The following CRPPA variants were observed in gnomAD, a reference collection of about 807,000 sequenced individuals.
CRPPA encodes D-ribitol-5-phosphate cytidylyltransferase.
Under a neutral mutation model 52.0 loss-of-function variants are expected in CRPPA, and 43 were observed. The observed-to-expected ratio is 0.83, with a 90% CI of 0.65 to 1.07. The LOEUF is 1.07. Among genes scored for constraint, CRPPA ranks in the 50% least tolerant of loss-of-function variants. The pLI is 0.00. For missense variants in CRPPA, 629 were observed against 551.7 expected (o/e 1.14, Z -1.40); for synonymous variants, 250 against 203.5 (o/e 1.23, Z -1.94).
rs201599524 is a variant in CRPPA, at chr7:16,216,048, G to A, written c.1251+18C>T. On this transcript the variant is annotated intron_variant, in intron 9 of 9. Coordinates refer to ENST00000407010, the MANE Select transcript of CRPPA (RefSeq NM_001101426.4). ...TAGTCTACAGAACATACATTCGGAA[G>A]ATAAACATTTTACCTACCTGTGGGT... The A allele has an allele frequency of 6.0e-4, 938 of 1,560,522 alleles. 8 individuals carry two copies. In the African/African-American group the frequency reaches 0.012, roughly 19 times the overall value.
chr7:16,390,378 TC>T (rs1342042081), intron 2 of CRPPA, among the ~76,000 whole-genome samples: 3 of 152,144 alleles, frequency 2.0e-5, no homozygotes, highest in African/African-American at 7.2e-5. Context: ...ATTTCTGTCT[TC>T]CTATGCTTTC....
intron 9 of CRPPA, among the ~76,000 whole-genome samples, chr7:16,174,801 A>G (rs577811374): frequency 3.0e-4 from 45 of 152,336 alleles, no homozygotes; most frequent in African/African-American, 1.1e-3. Context: ...TTCAGTTAAT[A>G]TATTCCAAGC....
chr7:16,406,025 T>G, intron 2 of CRPPA, 36 bp downstream of exon 2: 3 of 1,592,240 alleles, frequency 1.9e-6, no homozygotes, highest in Non-Finnish European at 2.6e-6. Flanking sequence ...CTACAGTGCT[T>G]GTCCCTTCTA....
chr7:16,414,802 C>T (rs146173373), intron 1 of CRPPA, among the ~76,000 whole-genome samples: 56 of 152,294 alleles, frequency 3.7e-4, no homozygotes, highest in Middle Eastern at 3.4e-3. Flanking sequence ...TTTTAATCAA[C>T]TTCTGAAAGG....
chr7:16,193,047 A>G (rs915603579), intron 9 of CRPPA, among the ~76,000 whole-genome samples: 1 of 152,126 alleles, frequency 6.6e-6, no homozygotes, highest in African/African-American at 2.4e-5. Flanking sequence ...TTGCATTTCC[A>G]TGCAAATTTG....
At position 16,335,095 on chromosome 7, in the gene CRPPA, G is replaced by T. The variant is rs148514770; in HGVS notation, c.685-26468C>A. On this transcript the variant is annotated intron_variant, in intron 3 of 9. Coordinates refer to ENST00000407010, the MANE Select transcript of CRPPA (RefSeq NM_001101426.4). ...AGCAATCTGGGAGGCTGAGGCAGGA[G>T]AACTGCTTGAGTGCAGGAGTTCAAG... Among the ~76,000 whole-genome samples the T allele has an allele frequency of 9.2e-3, 1,216 of 131,496 alleles. 11 individuals carry two copies. Among genetic ancestry groups the T allele is most frequent in the Non-Finnish European group, 0.013 (864 of 65,428 alleles). 86.3% of individuals were successfully genotyped at this position (131,496 alleles called of 152,430 possible).
intron 6 of CRPPA, among the ~76,000 whole-genome samples, chr7:16,265,157 C>T (rs1000840526): frequency 4.6e-5 from 7 of 152,160 alleles, no homozygotes; most frequent in Non-Finnish European, 1.0e-4. Context: ...ATATAAGCTA[C>T]AGGCTGCTAA....
At chr7:16,104,113 G>A (rs188644580) in intron 9 of CRPPA, among the ~76,000 whole-genome samples, 262 of 152,266 alleles carry the variant, frequency 1.7e-3, no homozygotes, top group African/African-American at 5.8e-3. Flanking sequence ...TATCCAAAGT[G>A]TTAATCTCAA....
intron 3 of CRPPA, among the ~76,000 whole-genome samples, chr7:16,355,356 A>T (rs1396200384): frequency 1.3e-5 from 2 of 152,208 alleles, no homozygotes; most frequent in African/African-American, 4.8e-5. Flanking sequence ...AATTTAAGAC[A>T]TCATTACAGT....
intron 9 of CRPPA, among the ~76,000 whole-genome samples, chr7:16,185,796 G>C (rs1197266010): frequency 6.6e-6 from 1 of 152,136 alleles, no homozygotes; most frequent in Non-Finnish European, 1.5e-5. Flanking sequence ...GCACTGATTG[G>C]AAAAGTGAAC....
chr7:16,337,384 G>C (rs1785710974), intron 3 of CRPPA, among the ~76,000 whole-genome samples: 1 of 151,926 alleles, frequency 6.6e-6, no homozygotes. Flanking sequence ...AGAAAATCAA[G>C]AAAATAAAAT....
At chr7:16,189,567 C>G (rs1293768031) in intron 9 of CRPPA, among the ~76,000 whole-genome samples, 2 of 152,060 alleles carry the variant, frequency 1.3e-5, no homozygotes, top group Non-Finnish European at 2.9e-5. Flanking sequence ...TAAGTCTTAC[C>G]AAAGAATGAA....
intron 9 of CRPPA, among the ~76,000 whole-genome samples, chr7:16,104,062 CTA>C (rs1349521401): frequency 6.6e-6 from 1 of 152,082 alleles, no homozygotes; most frequent in African/African-American, 2.4e-5. Flanking sequence ...TGGTTAATGA[CTA>C]TTAGGCTTTT....
At chr7:16,394,448 G>A (rs988343396) in intron 2 of CRPPA, among the ~76,000 whole-genome samples, 3 of 152,058 alleles carry the variant, frequency 2.0e-5, no homozygotes, top group Non-Finnish European at 2.9e-5. Context: ...AGAGAAAAGT[G>A]AGACAACAAG....
At chr7:16,395,666 G>A (rs1357740606) in intron 2 of CRPPA, among the ~76,000 whole-genome samples, 1 of 152,118 alleles carries the variant, frequency 6.6e-6, no homozygotes, top group Non-Finnish European at 1.5e-5. Context: ...TGGATATGCA[G>A]CAAAAAGGAA....
chr7:16,170,841 C>T (rs145026382), intron 9 of CRPPA, among the ~76,000 whole-genome samples: 1 of 152,330 alleles, frequency 6.6e-6, no homozygotes, highest in Non-Finnish European at 1.5e-5. Context: ...CCCCTCATTG[C>T]GCAGCGCCGG....
At chr7:16,176,620 T>A (rs1371673634) in intron 9 of CRPPA, among the ~76,000 whole-genome samples, 1 of 152,128 alleles carries the variant, frequency 6.6e-6, no homozygotes, top group East Asian at 1.9e-4. Flanking sequence ...TAGGAGTTTT[T>A]CTTAAGAGAT....
intron 3 of CRPPA, among the ~76,000 whole-genome samples, chr7:16,312,507 T>C (rs1785056080): frequency 6.6e-6 from 1 of 152,020 alleles, no homozygotes; most frequent in Non-Finnish European, 1.5e-5. Context: ...CTTCTGTCAA[T>C]GCTTTCAGAT....
chr7:16,218,983 AT>A (rs1782418689), intron 8 of CRPPA, among the ~76,000 whole-genome samples: 1 of 152,208 alleles, frequency 6.6e-6, no homozygotes, highest in Non-Finnish European at 1.5e-5. Flanking sequence ...AATCAACAGA[AT>A]ATACATTTTT....
Sources: gnomAD v4.1 joint callset for allele counts (sites outside exome capture counted in the v4.1 genomes callset) on GRCh38, gnomAD v4.1.1 for gene constraint, MANE v1.5 for transcripts, NCBI Gene and HGNC (gene_info 2026-07-23, HGNC 2026-07-21) for gene names.